GABRB1: variants seen among roughly 807,000 people sequenced by gnomAD.
GABRB1 encodes gamma-aminobutyric acid receptor subunit beta-1.
GABRB1 carries 17 observed loss-of-function variants against 51.6 expected under a neutral mutation model. The observed-to-expected ratio is 0.33, with a 90% CI of 0.23 to 0.49. The LOEUF is 0.49. Ranked by LOEUF, GABRB1 falls within the 20% of genes least tolerant of loss-of-function variation. The pLI, the probability that GABRB1 is intolerant of heterozygous loss-of-function variation, is 0.99. For missense variants in GABRB1, 410 were observed against 600.6 expected, an observed-to-expected ratio of 0.68 and a Z score of 3.32; for synonymous variants, 247 against 218.9, an observed-to-expected ratio of 1.13 and a Z score of -1.14.
At chr4:47,169,184 A>G (rs1240961478) in intron 4 of GABRB1, among the ~76,000 whole-genome samples, 1 of 152,184 alleles carries the variant, frequency 6.6e-6, no homozygotes, top group Non-Finnish European at 1.5e-5. Context: ...AGCATTTGCA[A>G]AATGGAGATA....
At chr4:47,316,592 C>G (rs935266069) in intron 4 of GABRB1, among the ~76,000 whole-genome samples, 5 of 151,880 alleles carry the variant, frequency 3.3e-5, no homozygotes, top group African/African-American at 1.2e-4. Flanking sequence ...TTAACTTGTG[C>G]TGCCAGGTTA....
chr4:47,114,925 TC>T (rs1715399207), intron 3 of GABRB1, among the ~76,000 whole-genome samples: 1 of 152,060 alleles, frequency 6.6e-6, no homozygotes, highest in Admixed American at 6.6e-5. Flanking sequence ...AGGTTTGAGG[TC>T]CCTGCCATCT....
At chr4:47,220,739 G>T (rs546537198) in intron 4 of GABRB1, among the ~76,000 whole-genome samples, 1 of 152,030 alleles carries the variant, frequency 6.6e-6, no homozygotes, top group South Asian at 2.1e-4. Flanking sequence ...GAACTCTCCA[G>T]TATCTGTGTG....
chr4:47,090,005 A>T (rs974327091), intron 3 of GABRB1, among the ~76,000 whole-genome samples: 1 of 152,224 alleles, frequency 6.6e-6, no homozygotes, highest in African/African-American at 2.4e-5. Flanking sequence ...TTTCTGGCTA[A>T]CGTAATTTTA....
chr4:47,244,060 C>G lies in GABRB1; in HGVS notation c.462-76067C>G, dbSNP rs373182339. On this transcript the variant is annotated intron_variant, in intron 4 of 8. Transcript: ENST00000295454. ...CTTATTATTTTGAGATATGTCCCAT[C>G]AATACCTAGTTTATTGAGAGTTTTT... is the stretch of plus-strand genomic sequence containing the variant. 1.2e-4 allele frequency among the ~76,000 whole-genome samples: 18 copies of G among 152,252 alleles called. No homozygotes were observed. The East Asian group carries it at 3.1e-3, about 26-fold the overall frequency.
chr4:47,153,981 T>G (rs1407729477), intron 3 of GABRB1, among the ~76,000 whole-genome samples: 3 of 151,876 alleles, frequency 2.0e-5, no homozygotes, highest in African/African-American at 7.3e-5. Flanking sequence ...AAAACAAGAC[T>G]AAGGAATAAG....
At chr4:47,330,211 G>C (rs1029077397) in intron 5 of GABRB1, among the ~76,000 whole-genome samples, 1 of 152,174 alleles carries the variant, frequency 6.6e-6, no homozygotes, top group African/African-American at 2.4e-5. Context: ...GCTCACCCAC[G>C]TTGTGGGGGG....
chr4:47,260,328 T>A (rs1578043136), intron 4 of GABRB1, among the ~76,000 whole-genome samples: 1 of 152,122 alleles, frequency 6.6e-6, no homozygotes, highest in East Asian at 1.9e-4. Flanking sequence ...CCATTTACAT[T>A]TAAAGTTAAT....
chr4:47,277,062 A>T (rs2109901365), intron 4 of GABRB1, among the ~76,000 whole-genome samples: 1 of 152,248 alleles, frequency 6.6e-6, no homozygotes, highest in East Asian at 1.9e-4. Context: ...AATATTTAAT[A>T]GAAATTTAAC....
chr4:47,400,467 G>A (rs1425095343), intron 5 of GABRB1, among the ~76,000 whole-genome samples: 1 of 151,390 alleles, frequency 6.6e-6, no homozygotes, highest in Non-Finnish European at 1.5e-5. Flanking sequence ...ACCTTAAAAG[G>A]AACAAAGTTG....
chr4:47,134,328 T>C (rs1020422837), intron 3 of GABRB1, among the ~76,000 whole-genome samples: 6 of 152,154 alleles, frequency 3.9e-5, no homozygotes, highest in Non-Finnish European at 8.8e-5. Flanking sequence ...TATTTACTAA[T>C]AATTGGGGAG....
intron 5 of GABRB1, among the ~76,000 whole-genome samples, chr4:47,382,203 G>T (rs1008629643): frequency 5.3e-5 from 8 of 152,132 alleles, no homozygotes; most frequent in Admixed American, 5.2e-4. Context: ...ATAGGCCAGG[G>T]TTTTTCAACA....
chr4:47,203,875 G>A (rs1242541782), intron 4 of GABRB1, among the ~76,000 whole-genome samples: 1 of 152,064 alleles, frequency 6.6e-6, no homozygotes, highest in Non-Finnish European at 1.5e-5. Flanking sequence ...GCTGCTCTGA[G>A]CCTTTTCCAT....
In GABRB1 at chr4:47,403,569, A is replaced by C. The variant is rs1294364422; in HGVS notation, c.693A>C (p.Pro231=). 1 of 1,614,022 alleles carries C rather than the reference A, an allele frequency of 6.2e-7. No homozygotes were observed. The highest frequency in any genetic ancestry group is 2.2e-5 in the East Asian group (1 of 44,882). The change falls in exon 7 of 9, where the codon CCA becomes CCC. Residue 231 remains proline (P), a synonymous_variant. Coordinates refer to ENST00000295454, the MANE Select transcript of GABRB1 (RefSeq NM_000812.4). ...TGTTTCTCAACTCAGGAGCGTATCC[A>C]CGACTGTCACTAAGTTTTCGTCTAA... ...KKVEFTTGAY[P]RLSLSFRLKR...
intron 4 of GABRB1, among the ~76,000 whole-genome samples, chr4:47,308,662 T>A (rs1202861477): frequency 6.6e-6 from 1 of 152,108 alleles, no homozygotes; most frequent in Non-Finnish European, 1.5e-5. Flanking sequence ...AGAATTGGTT[T>A]GCAAATAAAC....
chr4:47,387,491 G>A (rs1727840373), intron 5 of GABRB1, among the ~76,000 whole-genome samples: 1 of 152,026 alleles, frequency 6.6e-6, no homozygotes, highest in African/African-American at 2.4e-5. Flanking sequence ...AAACTCAATA[G>A]GCTAAAATAG....
rs1188758330 is a variant in GABRB1 at position 47,416,297 on chromosome 4, T to C, written c.1080+9371T>C. On this transcript the variant is annotated intron_variant, in intron 8 of 8. Coordinates refer to ENST00000295454, the MANE Select transcript of GABRB1 (RefSeq NM_000812.4). ...CTGGAGCAGTGCTTGAAGAGCAGCC[T>C]GGTAGGAAATGAGGGCTGAGGTACC... Among the ~76,000 whole-genome samples, 4 of 152,096 alleles carry C rather than the reference T, an allele frequency of 2.6e-5. No homozygotes were observed. In the East Asian group the frequency reaches 7.7e-4, roughly 29 times the overall value.
At chr4:47,216,620 T>C (rs912815707) in intron 4 of GABRB1, among the ~76,000 whole-genome samples, 1 of 151,894 alleles carries the variant, frequency 6.6e-6, no homozygotes, top group African/African-American at 2.4e-5. Flanking sequence ...CTGATGGGAA[T>C]TGGAATAATC....
chr4:47,159,400 C>T (rs892587601), intron 3 of GABRB1, among the ~76,000 whole-genome samples: 58 of 152,008 alleles, frequency 3.8e-4, no homozygotes, highest in African/African-American at 1.3e-3. Flanking sequence ...GTAATATAAA[C>T]CCATAATCTG....
Sources: gnomAD v4.1 joint callset for allele counts (sites outside exome capture counted in the v4.1 genomes callset) on GRCh38, gnomAD v4.1.1 for gene constraint, MANE v1.5 for transcripts, NCBI Gene and HGNC (gene_info 2026-07-23, HGNC 2026-07-21) for gene names.